The following UXS1 variants were observed in gnomAD, a reference collection of about 807,000 sequenced individuals.
The protein encoded by UXS1 is UDP-glucuronate decarboxylase 1.
Under a neutral mutation model 62.6 loss-of-function variants are expected in UXS1, and 33 were observed. The ratio of observed to expected loss-of-function variants is 0.53; its 90% confidence interval spans 0.40 to 0.70. The LOEUF (loss-of-function observed/expected upper bound fraction) is 0.70, where lower values mean the gene tolerates loss of function less well. UXS1 is among the 30% of genes least tolerant of loss of function. The pLI is 0.00. For missense variants in UXS1, 434 were observed against 556.3 expected (o/e 0.78, Z 2.21); for synonymous variants, 213 against 206.8 (o/e 1.03, Z -0.26).
chr2:106,098,774 C>T lies in UXS1; in HGVS notation c.985-1G>A. The T allele has an allele frequency of 1.2e-6, 2 of 1,611,376 alleles. No individual in the cohort carries two copies. ...GGATTGTGTGTTCTTCTGGGTTCCC[C>T]TAAGAAAGAAACGGTTTCCAGTTAT... On this transcript the variant is annotated splice_acceptor_variant, in intron 12 of 14. Coordinates refer to ENST00000283148, the MANE Select transcript of UXS1 (RefSeq NM_001253875.2). LOFTEE classifies it high-confidence loss of function.
At chr2:106,103,139 A>G (rs545320197) in intron 11 of UXS1, among the ~76,000 whole-genome samples, 5 of 152,344 alleles carry the variant, frequency 3.3e-5, no homozygotes, top group African/African-American at 9.6e-5. Flanking sequence ...GCCAGGGTGC[A>G]TTTTGTCCTG....
At chr2:106,167,334 T>A (rs1024182157) in intron 1 of UXS1, among the ~76,000 whole-genome samples, 1 of 152,154 alleles carries the variant, frequency 6.6e-6, no homozygotes, top group Non-Finnish European at 1.5e-5. Flanking sequence ...TGCTTCCAGG[T>A]GCCGAGGAAG....
intron 5 of UXS1, among the ~76,000 whole-genome samples, chr2:106,151,372 G>A (rs1682003927): frequency 6.6e-6 from 1 of 152,162 alleles, no homozygotes; most frequent in South Asian, 2.1e-4. Flanking sequence ...ATTGGGAGGT[G>A]AGGCCTAATG....
intron 4 of UXS1, among the ~76,000 whole-genome samples, chr2:106,161,780 T>C (rs1223762058): frequency 1.3e-5 from 2 of 152,172 alleles, no homozygotes; most frequent in Non-Finnish European, 2.9e-5. Context: ...ATCAAAGTAT[T>C]AAGCAATGGG....
chr2:106,128,789 A>G (rs1680188018), intron 7 of UXS1, among the ~76,000 whole-genome samples: 1 of 152,094 alleles, frequency 6.6e-6, no homozygotes, highest in South Asian at 2.1e-4. Flanking sequence ...CCCCTAAAAT[A>G]TTGCATCTAA....
At chr2:106,181,231 T>C (rs1292072842) in intron 1 of UXS1, among the ~76,000 whole-genome samples, 1 of 152,122 alleles carries the variant, frequency 6.6e-6, no homozygotes, top group Non-Finnish European at 1.5e-5. Context: ...TCAGCAGCCC[T>C]GTACTCTTCT....
intron 1 of UXS1, among the ~76,000 whole-genome samples, chr2:106,176,671 C>G (rs984372038): frequency 6.6e-6 from 1 of 152,206 alleles, no homozygotes; most frequent in Non-Finnish European, 1.5e-5. Flanking sequence ...CCGCCCTCAG[C>G]CTTCCAGGCC....
intron 1 of UXS1, among the ~76,000 whole-genome samples, chr2:106,168,874 T>C (rs1357141222): frequency 6.6e-6 from 1 of 152,224 alleles, no homozygotes; most frequent in African/African-American, 2.4e-5. Context: ...CTCTCACTTC[T>C]GTAAAATGCA....
intron 5 of UXS1, among the ~76,000 whole-genome samples, chr2:106,153,493 G>A (rs1682195739): frequency 6.6e-6 from 1 of 152,012 alleles, no homozygotes; most frequent in South Asian, 2.1e-4. Context: ...GACGGAATAG[G>A]AAACACTTCA....
chr2:106,098,488 TCCC>T (rs1486483768), intron 13 of UXS1, among the ~76,000 whole-genome samples: 1 of 152,182 alleles, frequency 6.6e-6, no homozygotes, highest in African/African-American at 2.4e-5. Context: ...TCCTCCTCCC[TCCC>T]ACTTCATGCA....
chr2:106,166,990 C>T (rs1174918967), intron 1 of UXS1, among the ~76,000 whole-genome samples: 1 of 152,182 alleles, frequency 6.6e-6, no homozygotes, highest in Non-Finnish European at 1.5e-5. Flanking sequence ...CAGTGGCCTG[C>T]AGTGCGGCTT....
Position 106,099,875 on chromosome 2 carries a change from TC to T in UXS1, c.985-1103del, listed in dbSNP as rs1166311138. ...CACTGTACCCATGAATCAGCAACAG[TC>T]CCAGAATGGAGTCAGCACTCCAGGG... On this transcript the variant is annotated intron_variant, in intron 12 of 14. Transcript: ENST00000283148. 4.6e-5 allele frequency among the ~76,000 whole-genome samples: 7 copies of T among 152,280 alleles called. No individual in the cohort carries two copies. The East Asian group carries it at 1.4e-3, about 29-fold the overall frequency.
At chr2:106,187,702 T>C (rs564140019) in intron 1 of UXS1, among the ~76,000 whole-genome samples, 4 of 151,094 alleles carry the variant, frequency 2.6e-5, no homozygotes, top group South Asian at 2.1e-4. Flanking sequence ...AAAAATTACA[T>C]AAATGTTACT....
At chr2:106,094,346 G>T (rs891862409) in intron 14 of UXS1, among the ~76,000 whole-genome samples, 189 bp from the exon 15 acceptor site, 2 of 151,886 alleles carry the variant, frequency 1.3e-5, no homozygotes, top group Admixed American at 6.6e-5. Context: ...AGAGAAGCCA[G>T]AAGTCCTTCA....
At chr2:106,118,472 C>A (rs1679243420) in intron 9 of UXS1, among the ~76,000 whole-genome samples, 1 of 152,126 alleles carries the variant, frequency 6.6e-6, no homozygotes, top group Admixed American at 6.5e-5. Context: ...CTCAAATGCA[C>A]ACTAAGCACT....
At chr2:106,169,111 G>A (rs1026105523) in intron 1 of UXS1, among the ~76,000 whole-genome samples, 4 of 152,228 alleles carry the variant, frequency 2.6e-5, no homozygotes, top group Admixed American at 6.5e-5. Context: ...TCCTCAGCTC[G>A]GACACCACGC....
Position 106,138,938 on chromosome 2 carries a change from G to A in UXS1, c.472+6252C>T, listed in dbSNP as rs371354313. The A allele has an allele frequency of 2.6e-5, 25 of 952,576 alleles. No homozygotes were observed. The African/African-American group carries it at 3.9e-4, about 15-fold the overall frequency. 59.0% of individuals were successfully genotyped at this position (952,576 alleles called of 1,614,324 possible). A position where few individuals can be genotyped will look rare whatever the true frequency, so the allele number is the denominator to read the frequency against. ...AAATAATCTGGTGAGAAATTCTGAA[G>A]GGGAGAGAAGAGGGGAAATTCAGAG... On this transcript the variant is annotated intron_variant, in intron 6 of 14. Coordinates refer to ENST00000283148, the MANE Select transcript of UXS1 (RefSeq NM_001253875.2).
At position 106,172,680 on chromosome 2, in the gene UXS1, T is replaced by TG. The variant is rs530244857; in HGVS notation, c.95-6598_95-6597insC. Among the ~76,000 whole-genome samples, 323 of 152,230 alleles carry TG rather than the reference T, an allele frequency of 2.1e-3. 3 individuals are homozygous for TG. The highest frequency in any genetic ancestry group is 7.0e-3 in the African/African-American group (289 of 41,554). On this transcript the variant is annotated intron_variant, in intron 1 of 14. Coordinates refer to ENST00000283148, the MANE Select transcript of UXS1 (RefSeq NM_001253875.2). ...ACTTCAGACCTGCTGAATCAGAATC[T>TG]CTACAGAGGCCTCCCAGCAGCTGTA... is the stretch of plus-strand genomic sequence containing the variant.
rs1683192368 is a variant in UXS1 at position 106,166,086 on chromosome 2, G to A, written c.95-3C>T. The stretch of plus-strand genomic sequence containing the variant: ...ATTAACGAAGTTGCCCCAAACAGCT[G>A]TAAGAGAAAGAAAAAAGGAAGTCAA... On this transcript the variant is annotated splice_region_variant and splice_polypyrimidine_tract_variant and intron_variant, in intron 1 of 14. Coordinates refer to ENST00000283148, the MANE Select transcript of UXS1 (RefSeq NM_001253875.2). 1.2e-6 allele frequency: 2 copies of A among 1,610,326 alleles called. 1 individual carries two copies. The highest frequency in any genetic ancestry group is 3.3e-4 in the Middle Eastern group (2 of 6,054).
Sources: gnomAD v4.1 joint callset for allele counts (sites outside exome capture counted in the v4.1 genomes callset) on GRCh38, gnomAD v4.1.1 for gene constraint, MANE v1.5 for transcripts, NCBI Gene and HGNC (gene_info 2026-07-23, HGNC 2026-07-21) for gene names.